DCUN1D4: variants seen among roughly 807,000 people sequenced by gnomAD.
DCUN1D4 encodes DCN1-like protein 4.
Under a neutral mutation model 47.9 loss-of-function variants are expected in DCUN1D4, and 22 were observed. The ratio of observed to expected loss-of-function variants is 0.46; its 90% CI spans 0.33 to 0.66. The LOEUF is 0.66. Among genes scored for constraint, DCUN1D4 ranks in the 30% least tolerant of loss-of-function variants. The pLI, the probability that DCUN1D4 is intolerant of heterozygous loss-of-function variation, is 0.02. For synonymous variants in DCUN1D4, 121 were observed against 112.2 expected (o/e 1.08, Z -0.50); for missense variants, 301 against 340.8 (o/e 0.88, Z 0.92).
At chr4:51,834,114 C>CTTTTTTTTTTTTTTTT in the DCUN1D4 span, among the ~76,000 whole-genome samples, 4 of 37,204 alleles carry the variant, frequency 1.1e-4, no homozygotes, top group African/African-American at 3.2e-4. Flanking sequence ...TTTTTTTTTT[C>CTTTTTTTTTTTTTTTT]TTTTTTTTTT....
At chr4:51,904,447 G>C (rs945608173) in intron 8 of DCUN1D4, among the ~76,000 whole-genome samples, 1 of 152,252 alleles carries the variant, frequency 6.6e-6, no homozygotes, top group African/African-American at 2.4e-5. Context: ...ATCTCTTTGT[G>C]TAGTTCCCAC....
At chr4:51,891,367 T>C (rs1730401716) in intron 6 of DCUN1D4, among the ~76,000 whole-genome samples, 1 of 152,236 alleles carries the variant, frequency 6.6e-6, no homozygotes. Flanking sequence ...CTACAAATTG[T>C]ACTGCAGTAA....
intron 5 of DCUN1D4, 130 bp downstream of exon 5, chr4:51,877,984 G>A (rs202070116): frequency 2.6e-5 from 11 of 420,566 alleles, no homozygotes; most frequent in Admixed American, 7.8e-5. Context: ...CCTGTTAGAG[G>A]GAGAGAGGGA....
chr4:51,836,957 G>A, the DCUN1D4 span, among the ~76,000 whole-genome samples: 1 of 152,188 alleles, frequency 6.6e-6, no homozygotes, highest in African/African-American at 2.4e-5. Flanking sequence ...GAAATTAAGA[G>A]CCTGACAATA....
intron 1 of DCUN1D4, chr4:51,848,076 T>A: frequency 1.7e-6 from 1 of 595,290 alleles, no homozygotes; most frequent in Non-Finnish European, 2.5e-6. Flanking sequence ...TAATTCTTCC[T>A]GTTCCTGTTG....
chr4:51,867,739 C>T (rs1298129885), intron 3 of DCUN1D4, among the ~76,000 whole-genome samples: 1 of 152,206 alleles, frequency 6.6e-6, no homozygotes, highest in East Asian at 1.9e-4. Flanking sequence ...GGAAAAAGCA[C>T]CATAAGTTCT....
chr4:51,844,401 T>G, intron 1 of DCUN1D4: 2 of 982,362 alleles, frequency 2.0e-6, no homozygotes, highest in South Asian at 4.7e-5. Flanking sequence ...GGAAGCGAGG[T>G]CAGCGCTGGC....
intron 1 of DCUN1D4, chr4:51,844,376 TC>T (rs969596493): frequency 6.1e-6 from 6 of 982,162 alleles, no homozygotes; most frequent in East Asian, 1.2e-4. Flanking sequence ...TGGCCGTGGT[TC>T]CCCCCGGACG....
In DCUN1D4 at chr4:51,913,426, T is replaced by C. The variant is rs1393985522; in HGVS notation, c.823+34T>C. 4 of 1,583,104 alleles carry C rather than the reference T, an allele frequency of 2.5e-6. No homozygotes were observed. In the Admixed American group the frequency reaches 6.7e-5, roughly 26 times the overall value. ...TGCCGCTACCATTCTGCCATTCGTG[T>C]ACATTTCTATATCATCCTCATTGGG... On this transcript the variant is annotated intron_variant, in intron 10 of 10. Transcript: ENST00000334635.
chr4:51,864,263 G>A lies in DCUN1D4; in HGVS notation c.136+554G>A, dbSNP rs1725546237. Reference sequence around the variant, plus strand: ...TTCTGGTTCTGTAGACTTGGGGTGGGGCCCCAGAGTTTGCTCCTATGTGAT... The same window carrying A: ...TTCTGGTTCTGTAGACTTGGGGTGGAGCCCCAGAGTTTGCTCCTATGTGAT... On this transcript the variant is annotated intron_variant, in intron 3 of 10. Transcript: ENST00000334635. 2.0e-5 allele frequency among the ~76,000 whole-genome samples: 3 copies of A among 152,168 alleles called. No homozygotes were observed. The South Asian group carries it at 6.2e-4, about 32-fold the overall frequency.
chr4:51,882,267 C>T (rs1437207363), intron 5 of DCUN1D4, among the ~76,000 whole-genome samples: 3 of 152,210 alleles, frequency 2.0e-5, no homozygotes, highest in African/African-American at 4.8e-5. Context: ...GTCTGGGGTG[C>T]AGTCAGCAGA....
At chr4:51,910,934 C>A in intron 8 of DCUN1D4, 136 bp from the exon 9 acceptor site, 1 of 790,000 alleles carries the variant, frequency 1.3e-6, no homozygotes, top group Non-Finnish European at 2.1e-6. Context: ...TAACCTTAGT[C>A]TGGATGCAGG....
chr4:51,901,617 C>G (rs1000517338), intron 8 of DCUN1D4, among the ~76,000 whole-genome samples: 1 of 152,230 alleles, frequency 6.6e-6, no homozygotes, highest in Admixed American at 6.5e-5. Flanking sequence ...TCTGCTTCGA[C>G]ACAGCCTCCT....
At chr4:51,888,221 G>A (rs1225601281) in intron 6 of DCUN1D4, among the ~76,000 whole-genome samples, 1 of 152,108 alleles carries the variant, frequency 6.6e-6, no homozygotes, top group Non-Finnish European at 1.5e-5. Flanking sequence ...CTTGAAGTTA[G>A]AGGCTGAGAA....
At chr4:51,878,373 C>T (rs187253038) in intron 5 of DCUN1D4, among the ~76,000 whole-genome samples, 1 of 152,154 alleles carries the variant, frequency 6.6e-6, no homozygotes. Flanking sequence ...GTTATTGTGG[C>T]TTTGTATGGT....
chr4:51,895,580 A>G (rs1006928698), intron 7 of DCUN1D4, among the ~76,000 whole-genome samples: 238 of 151,260 alleles, frequency 1.6e-3, no homozygotes, highest in African/African-American at 5.7e-3. Flanking sequence ...AAAAAAAAAA[A>G]AAAAAAAACA....
intron 1 of DCUN1D4, among the ~76,000 whole-genome samples, chr4:51,855,195 C>T (rs923002700): frequency 1.3e-5 from 2 of 152,030 alleles, no homozygotes; most frequent in African/African-American, 4.8e-5. Context: ...CTAGAATAGG[C>T]AAATCTATAG....
intron 4 of DCUN1D4, chr4:51,874,719 A>G: frequency 4.9e-6 from 1 of 205,254 alleles, no homozygotes; most frequent in Non-Finnish European, 9.9e-6. Context: ...TTCTTTAAGC[A>G]GGTCTCACTC....
At chr4:51,855,947 C>A (rs541172615) in intron 1 of DCUN1D4, among the ~76,000 whole-genome samples, 1 of 152,224 alleles carries the variant, frequency 6.6e-6, no homozygotes, top group South Asian at 2.1e-4. Flanking sequence ...TTTTTGTTTT[C>A]TTTTCCCATA....
Sources: allele counts gnomAD v4.1 joint callset (sites outside exome capture counted in the v4.1 genomes callset), GRCh38; gene constraint gnomAD v4.1.1; transcripts MANE v1.5; gene names NCBI Gene and HGNC (gene_info 2026-07-23, HGNC 2026-07-21).